Variants in AVL9 observed in about 807,000 individuals in gnomAD.
AVL9 encodes the protein late secretory pathway protein AVL9 homolog.
A neutral mutation model predicts 79.2 loss-of-function variants in AVL9; 49 were observed. That is an observed-to-expected ratio of 0.62 (90% CI 0.49 to 0.79). The LOEUF (loss-of-function observed/expected upper bound fraction) is 0.79, where lower values mean the gene tolerates loss of function less well. Among genes scored for constraint, AVL9 ranks in the 30% least tolerant of loss-of-function variants. AVL9 has a pLI of 0.00. For missense variants in AVL9, 682 were observed against 776.8 expected (o/e 0.88, Z 1.45); for synonymous variants, 299 against 280.6 (o/e 1.07, Z -0.65).
At chr7:32,558,370 A>C (rs1192018886) in intron 8 of AVL9, among the ~76,000 whole-genome samples, 189 bp from the exon 9 acceptor site, 3 of 147,472 alleles carry the variant, frequency 2.0e-5, no homozygotes, top group African/African-American at 5.0e-5. Flanking sequence ...GTTGGCCAGG[A>C]TGGTCTCGAT....
rs1200647886 is a variant in AVL9 at position 32,559,440 on chromosome 7, C to T, written c.1191C>T (p.Gly397=). ...LISGLEEDQY[G]MPLAIFTKGY... is the part of the protein sequence containing the mutation. The stretch of plus-strand genomic sequence containing the variant: ...CGGGTTTGGAAGAGGATCAGTATGG[C>T]ATGCCCCTGGCCATCTTCACAAAGG... The change falls in exon 10 of 16, where the codon GGC becomes GGT. Residue 397 remains glycine, a synonymous_variant. Coordinates refer to ENST00000318709, the MANE Select transcript of AVL9 (RefSeq NM_015060.3). 6.3e-7 allele frequency: 1 copy of T among 1,575,648 alleles called. No homozygotes were observed. The highest frequency in any genetic ancestry group is 1.2e-5 in the South Asian group (1 of 85,510).
At position 32,556,519 on chromosome 7, in the gene AVL9, A is replaced by AAATG. The variant is rs1554343042; in HGVS notation, c.609+1945_609+1948dup. On this transcript the variant is annotated intron_variant, in intron 8 of 15. Transcript: ENST00000318709. ...ACAGAGCGAGACTCCATCTCAAAGT[A>AAATG]AATGAATGAATGAATGAATGAATGA... is the stretch of plus-strand genomic sequence containing the variant. Among the ~76,000 whole-genome samples the AAATG allele has an allele frequency of 3.3e-4, 49 of 149,576 alleles. 1 individual carries two copies. Among genetic ancestry groups the AAATG allele is most frequent in the Admixed American group, 1.3e-3 (19 of 14,940 alleles).
intron 9 of AVL9, 69 bp from the exon 10 acceptor site, chr7:32,558,860 T>C (rs1031350881): frequency 2.2e-6 from 3 of 1,364,898 alleles, no homozygotes; most frequent in African/African-American, 2.9e-5. Context: ...GGGAGTCTAC[T>C]AATATATAGC....
intron 6 of AVL9, among the ~76,000 whole-genome samples, chr7:32,552,562 A>G (rs1220316843): frequency 6.6e-6 from 1 of 151,934 alleles, no homozygotes; most frequent in Non-Finnish European, 1.5e-5. Flanking sequence ...ATTATCATTG[A>G]AAATGGATAG....
chr7:32,530,320 T>C (rs978242340), intron 1 of AVL9, among the ~76,000 whole-genome samples: 18 of 152,218 alleles, frequency 1.2e-4, no homozygotes, highest in Non-Finnish European at 2.2e-4. Flanking sequence ...ATGTATTTGA[T>C]GCTGTCTAGC....
intron 10 of AVL9, among the ~76,000 whole-genome samples, chr7:32,569,311 T>G (rs1030666559): frequency 6.6e-6 from 1 of 152,234 alleles, no homozygotes; most frequent in Non-Finnish European, 1.5e-5. Flanking sequence ...AAATTGCATA[T>G]CTTCCTTCAG....
At chr7:32,512,555 G>C (rs1430558083) in intron 1 of AVL9, among the ~76,000 whole-genome samples, 2 of 152,162 alleles carry the variant, frequency 1.3e-5, no homozygotes, top group African/African-American at 4.8e-5. Context: ...CTGTGTCTCT[G>C]GACAGGATCT....
intron 13 of AVL9, 84 bp from the exon 14 acceptor site, chr7:32,580,135 G>T (rs2128156661): frequency 1.8e-6 from 2 of 1,108,014 alleles, no homozygotes; most frequent in East Asian, 4.8e-5. Context: ...TCCATGAGAA[G>T]TTTACTAATA....
intron 1 of AVL9, among the ~76,000 whole-genome samples, chr7:32,524,633 G>A (rs201906126): frequency 2.1e-5 from 3 of 140,982 alleles, no homozygotes; most frequent in African/African-American, 7.5e-5. Flanking sequence ...CTGAAGGCAT[G>A]TAAATCTGCT....
chr7:32,548,151 C>CTTTTGTTTTCTTCTTGTTTTT (rs71559236), intron 3 of AVL9, among the ~76,000 whole-genome samples: 1 of 131,596 alleles, frequency 7.6e-6, no homozygotes, highest in Admixed American at 7.5e-5. Flanking sequence ...TCTCTTTTTT[C>CTTTTGTTTTCTTCTTGTTTTT]TTTTTTTTTT....
chr7:32,530,274 CTA>C (rs1425556515), intron 1 of AVL9, among the ~76,000 whole-genome samples: 2 of 152,126 alleles, frequency 1.3e-5, no homozygotes, highest in Admixed American at 6.5e-5. Flanking sequence ...TCCTTCATAA[CTA>C]TGTTTTAAGT....
chr7:32,583,236 TAAAG>T (rs1791595326), intron 15 of AVL9, among the ~76,000 whole-genome samples: 1 of 152,226 alleles, frequency 6.6e-6, no homozygotes, highest in Non-Finnish European at 1.5e-5. Context: ...CTGAGGGTAT[TAAAG>T]AAACAGTTTG....
chr7:32,537,824 G>C (rs1039406643), intron 1 of AVL9: 1 of 152,146 alleles, frequency 6.6e-6, no homozygotes, highest in Non-Finnish European at 1.5e-5. Context: ...TTTCCAAATG[G>C]AAGTATTCGT....
At chr7:32,517,509 TTGGCC>T (rs1562759116) in intron 1 of AVL9, among the ~76,000 whole-genome samples, 1 of 152,072 alleles carries the variant, frequency 6.6e-6, no homozygotes, top group Non-Finnish European at 1.5e-5. Flanking sequence ...TTTCACCATC[TTGGCC>T]AGGCTGGTCT....
intron 3 of AVL9, among the ~76,000 whole-genome samples, chr7:32,546,266 G>GT (rs1291833940): frequency 6.6e-6 from 1 of 152,006 alleles, no homozygotes; most frequent in African/African-American, 2.4e-5. Flanking sequence ...GAGTACCTGT[G>GT]TACCCATCAC....
In AVL9 at chr7:32,588,280, T is replaced by C. The variant is rs530583536; in HGVS notation, c.*4373T>C. 1 of 152,282 alleles carries C rather than the reference T, an allele frequency of 6.6e-6. No individual in the cohort carries two copies. Among genetic ancestry groups the C allele is most frequent in the African/African-American group, 2.4e-5 (1 of 41,562 alleles). 9.4% of individuals were successfully genotyped at this position (152,282 alleles called of 1,614,324 possible). On this transcript the variant is annotated 3_prime_UTR_variant, in exon 16 of 16. Coordinates refer to ENST00000318709, the MANE Select transcript of AVL9 (RefSeq NM_015060.3). ...AAAGCTTCTGTGCTTAGAAAATATT[T>C]TGTTGTTTTCTTAAAATATTAGTAT... is the stretch of plus-strand genomic sequence containing the variant.
chr7:32,503,326 A>C (rs968796720), intron 1 of AVL9, among the ~76,000 whole-genome samples: 1 of 112,174 alleles, frequency 8.9e-6, no homozygotes, highest in African/African-American at 3.4e-5. Flanking sequence ...AAAGATATAT[A>C]TATATATCTA....
chr7:32,507,613 C>T (rs1787465127), intron 1 of AVL9, among the ~76,000 whole-genome samples: 1 of 152,178 alleles, frequency 6.6e-6, no homozygotes, highest in African/African-American at 2.4e-5. Flanking sequence ...GTGTAGTGTT[C>T]CCTTTGGTGA....
At chr7:32,517,888 G>A (rs1467916378) in intron 1 of AVL9, among the ~76,000 whole-genome samples, 1 of 151,794 alleles carries the variant, frequency 6.6e-6, no homozygotes, top group Non-Finnish European at 1.5e-5. Context: ...CTGGAGTGCA[G>A]TGGCACGAAC....
Sources: allele counts gnomAD v4.1 joint callset (sites outside exome capture counted in the v4.1 genomes callset), GRCh38; gene constraint gnomAD v4.1.1; transcripts MANE v1.5; gene names NCBI Gene and HGNC (gene_info 2026-07-23, HGNC 2026-07-21).